MYO5A: variants seen among roughly 807,000 people sequenced by gnomAD.
MYO5A encodes the protein unconventional myosin-Va.
A neutral mutation model predicts 249.7 loss-of-function variants in MYO5A; 98 were observed. The observed-to-expected ratio is 0.39, with a 90% CI of 0.33 to 0.46. The LOEUF is 0.46. Ranked by LOEUF, MYO5A falls within the 20% of genes least tolerant of loss-of-function variation. The pLI is 0.98. For missense variants in MYO5A, 1,696 were observed against 2,308.8 expected, an observed-to-expected ratio of 0.73 and a Z score of 5.44; for synonymous variants, 778 against 810.6, an observed-to-expected ratio of 0.96 and a Z score of 0.68.
intron 27 of MYO5A, among the ~76,000 whole-genome samples, chr15:52,351,843 C>T (rs2039969894): frequency 6.6e-6 from 1 of 152,192 alleles, no homozygotes; most frequent in South Asian, 2.1e-4. Flanking sequence ...TATGGGAAAT[C>T]TGAGGGTCCA....
At chr15:52,336,627 G>A in intron 33 of MYO5A, 71 bp from the exon 34 acceptor site, 4 of 1,113,562 alleles carry the variant, frequency 3.6e-6, no homozygotes, top group Non-Finnish European at 5.3e-6. Flanking sequence ...AAGGAAAATA[G>A]ACACAATATC....
intron 30 of MYO5A, among the ~76,000 whole-genome samples, chr15:52,345,524 G>A (rs1286184925): frequency 2.6e-5 from 4 of 151,360 alleles, no homozygotes; most frequent in Admixed American, 2.6e-4. Context: ...GGCGGAGGTT[G>A]CAGTGAGCTG....
chr15:52,392,362 T>A (rs1311414576), intron 11 of MYO5A, among the ~76,000 whole-genome samples: 1 of 152,248 alleles, frequency 6.6e-6, no homozygotes, highest in Non-Finnish European at 1.5e-5. Context: ...CACTATGTAC[T>A]TTTGGCTTCT....
rs566403386 is a variant in MYO5A, at chr15:52,473,776, G to A, written c.28-40491C>T. ...ATCTCTGTTTTGGTACCAGTACCAT[G>A]CTGTTTTGGTTACTGTAGCCTTGTA... On this transcript the variant is annotated intron_variant, in intron 1 of 41. Transcript: ENST00000399233. 9.2e-4 allele frequency among the ~76,000 whole-genome samples: 140 copies of A among 152,290 alleles called. 1 individual carries two copies. Among genetic ancestry groups the A allele is most frequent in the African/African-American group, 3.2e-3 (132 of 41,552 alleles).
intron 3 of MYO5A, among the ~76,000 whole-genome samples, chr15:52,427,759 C>G (rs925859211): frequency 1.3e-5 from 2 of 150,054 alleles, no homozygotes; most frequent in African/African-American, 4.9e-5. Flanking sequence ...AAGACGTCAG[C>G]GGAGAAAAAA....
intron 11 of MYO5A, among the ~76,000 whole-genome samples, chr15:52,394,965 T>C (rs2042421160): frequency 6.6e-6 from 1 of 152,230 alleles, no homozygotes. Flanking sequence ...ACTTCTACAT[T>C]ATTTCACTGT....
At chr15:52,446,550 G>T (rs1319455943) in intron 1 of MYO5A, among the ~76,000 whole-genome samples, 1 of 152,188 alleles carries the variant, frequency 6.6e-6, no homozygotes, top group East Asian at 1.9e-4. Context: ...ATACAGAGTT[G>T]CAAGGGGGCA....
intron 9 of MYO5A, among the ~76,000 whole-genome samples, chr15:52,401,520 G>T (rs1301440083): frequency 6.6e-6 from 1 of 152,190 alleles, no homozygotes; most frequent in African/African-American, 2.4e-5. Context: ...TATAGCTGCA[G>T]CTGGGAAGTG....
chr15:52,524,100 C>G (rs1204560173), intron 1 of MYO5A, among the ~76,000 whole-genome samples: 1 of 152,218 alleles, frequency 6.6e-6, no homozygotes, highest in Non-Finnish European at 1.5e-5. Flanking sequence ...GCTGTTTCAT[C>G]TAGGCAAGTT....
intron 10 of MYO5A, 74 bp downstream of exon 10, chr15:52,397,127 T>C: frequency 6.5e-7 from 1 of 1,544,728 alleles, no homozygotes; most frequent in Non-Finnish European, 8.9e-7. Flanking sequence ...CAGAATCAAA[T>C]GCCCACTTAG....
chr15:52,508,976 A>ATT (rs113511621), intron 1 of MYO5A, among the ~76,000 whole-genome samples: 7 of 145,340 alleles, frequency 4.8e-5, no homozygotes, highest in African/African-American at 1.5e-4. Context: ...TTTTTTTGTA[A>ATT]TTTTTTTTTT....
intron 4 of MYO5A, among the ~76,000 whole-genome samples, chr15:52,425,017 G>T (rs1470388856): frequency 1.3e-5 from 2 of 152,204 alleles, no homozygotes; most frequent in African/African-American, 4.8e-5. Flanking sequence ...CTACTCAGGA[G>T]GCTGAAGAAG....
At chr15:52,526,024 C>A (rs2077723712) in intron 1 of MYO5A, among the ~76,000 whole-genome samples, 3 of 152,178 alleles carry the variant, frequency 2.0e-5, no homozygotes, top group Admixed American at 2.0e-4. Context: ...TTCTGCTTGC[C>A]ATTAAGCTAA....
At chr15:52,416,487 A>AT (rs765848235) in intron 4 of MYO5A, among the ~76,000 whole-genome samples, 186 bp from the exon 5 acceptor site, 217 of 145,350 alleles carry the variant, frequency 1.5e-3, no homozygotes, top group Non-Finnish European at 2.2e-3. Context: ...TGCAGGATAT[A>AT]TATATATTTT....
intron 1 of MYO5A, among the ~76,000 whole-genome samples, chr15:52,472,104 G>C (rs1195229052): frequency 6.8e-6 from 1 of 147,868 alleles, no homozygotes; most frequent in Non-Finnish European, 1.5e-5. Context: ...TTGAGATGGA[G>C]TCTCGCTCTT....
rs745362584 is a variant in MYO5A at position 52,433,128 on chromosome 15, C to T, written c.138+47G>A. 27 of 1,336,646 alleles carry T rather than the reference C, an allele frequency of 2.0e-5. 1 individual carries two copies. In the Middle Eastern group the frequency reaches 3.8e-3, roughly 190 times the overall value. 82.8% of individuals were successfully genotyped at this position (1,336,646 alleles called of 1,614,324 possible). On this transcript the variant is annotated intron_variant, in intron 2 of 41. Transcript: ENST00000399233. ...TTCACAGTAAATTTACACTTTTGAA[C>T]TCCCTTCACTTTATGCCAATGACAA...
intron 1 of MYO5A, among the ~76,000 whole-genome samples, chr15:52,504,053 T>TCTC (rs147465909): frequency 0.14 from 6,709 of 48,950 alleles, 379 homozygotes; most frequent in South Asian, 0.31. Context: ...TGTTTCTCCT[T>TCTC]CTTTTTTTTT....
intron 20 of MYO5A, among the ~76,000 whole-genome samples, chr15:52,374,388 T>G (rs2041289840): frequency 6.6e-6 from 1 of 152,248 alleles, no homozygotes; most frequent in Admixed American, 6.5e-5. Flanking sequence ...ATTCTATCTA[T>G]TCAAAGTTCT....
In MYO5A at chr15:52,312,351, T is replaced by C. The variant is rs778356464; in HGVS notation, c.*1345A>G. Reference sequence around the variant, plus strand: ...TCGTGAATATTCTGACAATCCTCTCTAGATAGTGAGTGAGATTCTTTTTTT... The same window carrying C: ...TCGTGAATATTCTGACAATCCTCTCCAGATAGTGAGTGAGATTCTTTTTTT... On this transcript the variant is annotated 3_prime_UTR_variant, in exon 42 of 42. Transcript: ENST00000399233. 1.3e-5 allele frequency: 2 copies of C among 152,168 alleles called. No homozygotes were observed. Among genetic ancestry groups the C allele is most frequent in the African/African-American group, 2.4e-5 (1 of 41,464 alleles). 9.4% of individuals were successfully genotyped at this position (152,168 alleles called of 1,614,324 possible).
Sources: gnomAD v4.1 joint callset for allele counts (sites outside exome capture counted in the v4.1 genomes callset) on GRCh38, gnomAD v4.1.1 for gene constraint, MANE v1.5 for transcripts, NCBI Gene and HGNC (gene_info 2026-07-23, HGNC 2026-07-21) for gene names.